The following STT3B variants were observed in gnomAD, a reference collection of about 807,000 sequenced individuals.
The protein encoded by STT3B is STT3 oligosaccharyltransferase complex catalytic subunit B, also known as dolichyl-diphosphooligosaccharide--protein glycosyltransferase subunit STT3B.
Under a neutral mutation model 96.8 loss-of-function variants are expected in STT3B, and 29 were observed. The observed-to-expected ratio is 0.30, with a 90% CI of 0.22 to 0.41. STT3B has a LOEUF of 0.41. Ranked by LOEUF, STT3B falls within the 10% of genes least tolerant of loss-of-function variation. The pLI is 1.00. For synonymous variants in STT3B, 367 were observed against 360.0 expected (o/e 1.02, Z -0.22); for missense variants, 640 against 1,022.3 (o/e 0.63, Z 5.10).
intron 6 of STT3B, among the ~76,000 whole-genome samples, chr3:31,615,850 A>G (rs1283677529): frequency 6.6e-6 from 1 of 151,934 alleles, no homozygotes; most frequent in Non-Finnish European, 1.5e-5. Context: ...AATATTCTAG[A>G]TGCTTGAGGA....
chr3:31,559,223 A>G (rs929229728), intron 1 of STT3B, among the ~76,000 whole-genome samples: 2 of 132,256 alleles, frequency 1.5e-5, no homozygotes, highest in East Asian at 2.2e-4. Flanking sequence ...TCTGATTTTC[A>G]TGATTTCTTT....
At chr3:31,605,127 C>G (rs1218955003) in intron 5 of STT3B, among the ~76,000 whole-genome samples, 2 of 151,920 alleles carry the variant, frequency 1.3e-5, no homozygotes, top group African/African-American at 4.8e-5. Flanking sequence ...CAAAAGAGTT[C>G]AAGAGGCTAA....
At chr3:31,602,638 G>C (rs918592144) in intron 5 of STT3B, among the ~76,000 whole-genome samples, 9 of 150,076 alleles carry the variant, frequency 6.0e-5, no homozygotes, top group Admixed American at 4.0e-4. Context: ...TTTGAGAAAG[G>C]CCTTTGTATT....
At chr3:31,613,507 T>C (rs1479217900) in intron 5 of STT3B, among the ~76,000 whole-genome samples, 4 of 152,128 alleles carry the variant, frequency 2.6e-5, no homozygotes, top group African/African-American at 4.8e-5. Context: ...CTGTTGATCA[T>C]AGAATCTTAG....
chr3:31,603,967 G>A (rs1157892365), intron 5 of STT3B, among the ~76,000 whole-genome samples: 1 of 152,040 alleles, frequency 6.6e-6, no homozygotes, highest in Admixed American at 6.6e-5. Flanking sequence ...TAATAAATAA[G>A]ACTTGGTTTT....
intron 1 of STT3B, among the ~76,000 whole-genome samples, chr3:31,534,354 T>A (rs780152812): frequency 6.6e-6 from 1 of 152,178 alleles, no homozygotes; most frequent in Non-Finnish European, 1.5e-5. Flanking sequence ...GATGGAAAGA[T>A]TGCTTTAACT....
chr3:31,548,822 C>T (rs927197558), intron 1 of STT3B, among the ~76,000 whole-genome samples: 3 of 152,054 alleles, frequency 2.0e-5, no homozygotes, highest in African/African-American at 7.2e-5. Flanking sequence ...ATTATTTTGC[C>T]AAAGTATGTT....
intron 3 of STT3B, among the ~76,000 whole-genome samples, chr3:31,590,211 A>G (rs1249036495): frequency 6.6e-6 from 1 of 151,792 alleles, no homozygotes; most frequent in Non-Finnish European, 1.5e-5. Flanking sequence ...GGTACTGATA[A>G]TTTGTATCTT....
chr3:31,604,758 TGAGAA>T (rs1699011064), intron 5 of STT3B, among the ~76,000 whole-genome samples: 1 of 152,182 alleles, frequency 6.6e-6, no homozygotes, highest in African/African-American at 2.4e-5. Flanking sequence ...GTCTTGATCT[TGAGAA>T]GAGAGAATAG....
At chr3:31,583,018 G>A (rs376564247) in intron 3 of STT3B, among the ~76,000 whole-genome samples, 12 of 152,116 alleles carry the variant, frequency 7.9e-5, no homozygotes, top group Admixed American at 7.2e-4. Context: ...GTATGCTGTC[G>A]TTATTCAATA....
At chr3:31,592,426 C>T (rs193103347) in intron 3 of STT3B, among the ~76,000 whole-genome samples, 28 of 152,292 alleles carry the variant, frequency 1.8e-4, no homozygotes, top group Non-Finnish European at 4.0e-4. Context: ...CAAGACCTTG[C>T]TTTCAATTAT....
At chr3:31,536,201 T>C (rs1006245215) in intron 1 of STT3B, among the ~76,000 whole-genome samples, 3 of 151,994 alleles carry the variant, frequency 2.0e-5, no homozygotes, top group Non-Finnish European at 4.4e-5. Context: ...CCATTATTAC[T>C]TTGGGCTTTT....
chr3:31,550,284 G>A (rs1007996863), intron 1 of STT3B, among the ~76,000 whole-genome samples: 2 of 152,208 alleles, frequency 1.3e-5, no homozygotes, highest in African/African-American at 2.4e-5. Context: ...ATTGGAAGAT[G>A]CAGAGTAGCT....
At chr3:31,551,365 G>T (rs1042988386) in intron 1 of STT3B, among the ~76,000 whole-genome samples, 2 of 152,044 alleles carry the variant, frequency 1.3e-5, no homozygotes, top group African/African-American at 2.4e-5. Flanking sequence ...ACATGCGCAT[G>T]CCACCACGCC....
intron 3 of STT3B, among the ~76,000 whole-genome samples, chr3:31,589,247 C>T (rs1487153498): frequency 6.6e-6 from 1 of 151,982 alleles, no homozygotes; most frequent in Admixed American, 6.6e-5. Context: ...AATTTCAGTT[C>T]ATTACTGGTA....
intron 1 of STT3B, among the ~76,000 whole-genome samples, chr3:31,534,570 A>T (rs2125431288): frequency 6.6e-6 from 1 of 152,230 alleles, no homozygotes; most frequent in African/African-American, 2.4e-5. Context: ...CTTTTTTGAG[A>T]GTTACTAACT....
intron 1 of STT3B, among the ~76,000 whole-genome samples, chr3:31,572,449 G>A (rs1373505963): frequency 1.3e-5 from 2 of 151,806 alleles, no homozygotes. Flanking sequence ...TGACATGGTT[G>A]GCATCATTGC....
rs1699734924 is a variant in STT3B at position 31,635,230 on chromosome 3, G to T, written c.2401-754G>T. On this transcript the variant is annotated intron_variant, in intron 15 of 15. Coordinates refer to ENST00000295770, the MANE Select transcript of STT3B (RefSeq NM_178862.3). ...ATATTTGCTGTCTTCAATATCTAGG[G>T]CTGTGTGTCAGATTGAAAGACATAT... Among the ~76,000 whole-genome samples the T allele has an allele frequency of 2.6e-5, 4 of 152,124 alleles. No individual in the cohort carries two copies. The South Asian group carries it at 8.3e-4, about 32-fold the overall frequency.
At chr3:31,553,000 G>A (rs1177249253) in intron 1 of STT3B, among the ~76,000 whole-genome samples, 9 of 151,452 alleles carry the variant, frequency 5.9e-5, no homozygotes, top group Non-Finnish European at 1.0e-4. Context: ...TACACGGGAG[G>A]CTGAGGCAGG....
Sources: gnomAD v4.1 joint callset for allele counts (sites outside exome capture counted in the v4.1 genomes callset) on GRCh38, gnomAD v4.1.1 for gene constraint, MANE v1.5 for transcripts, NCBI Gene and HGNC (gene_info 2026-07-23, HGNC 2026-07-21) for gene names.